The following HIP1 variants were observed in gnomAD, a reference collection of about 807,000 sequenced individuals.
The protein encoded by HIP1 is huntingtin interacting protein 1, also known as huntingtin-interacting protein 1.
A neutral mutation model predicts 147.6 loss-of-function variants in HIP1; 65 were observed. The ratio of observed to expected loss-of-function variants is 0.44; its 90% CI spans 0.36 to 0.54. The LOEUF (loss-of-function observed/expected upper bound fraction) is 0.54, where lower values mean the gene tolerates loss of function less well. Among genes scored for constraint, HIP1 ranks in the 20% least tolerant of loss-of-function variants. The pLI is 0.00. For missense variants in HIP1, 1,061 were observed against 1,299.6 expected (o/e 0.82, Z 2.82); for synonymous variants, 479 against 504.0 (o/e 0.95, Z 0.67).
intron 7 of HIP1, among the ~76,000 whole-genome samples, chr7:75,580,850 TC>T (rs1554498450): frequency 6.6e-6 from 1 of 152,052 alleles, no homozygotes; most frequent in Non-Finnish European, 1.5e-5. Flanking sequence ...CAAGCAATTC[TC>T]CTGCCTCAGC....
chr7:75,585,185 CTT>C (rs71098036), intron 5 of HIP1, among the ~76,000 whole-genome samples: 44,704 of 133,076 alleles, frequency 0.34, 7,231 homozygotes, highest in African/African-American at 0.44. Context: ...CCCAAAACGT[CTT>C]TTTTTTTTTT....
At chr7:75,582,626 A>G (rs1399904226) in intron 5 of HIP1, among the ~76,000 whole-genome samples, 2 of 152,082 alleles carry the variant, frequency 1.3e-5, no homozygotes, top group African/African-American at 2.4e-5. Context: ...GCTGGCCAAC[A>G]TGGCAAAACC....
intron 1 of HIP1, among the ~76,000 whole-genome samples, chr7:75,621,496 T>C (rs1797847145): frequency 6.6e-6 from 1 of 152,178 alleles, no homozygotes; most frequent in African/African-American, 2.4e-5. Context: ...CCCCAAGCGA[T>C]CCTCCTGCCT....
At chr7:75,591,514 G>A (rs1430752227) in intron 4 of HIP1, among the ~76,000 whole-genome samples, 1 of 151,928 alleles carries the variant, frequency 6.6e-6, no homozygotes, top group Non-Finnish European at 1.5e-5. Flanking sequence ...AAAAGCTCTG[G>A]CATTAAGAAT....
At chr7:75,625,929 C>G (rs57925008) in intron 1 of HIP1, 11,506 of 152,042 alleles carry the variant, frequency 0.076, 553 homozygotes, top group African/African-American at 0.13. Context: ...CTTTGGAGAG[C>G]TGCTTGCCCT....
chr7:75,668,652 T>C (rs1168930968), intron 1 of HIP1, among the ~76,000 whole-genome samples: 1 of 152,106 alleles, frequency 6.6e-6, no homozygotes, highest in African/African-American at 2.4e-5. Context: ...CAAGCCATCA[T>C]GCCCTTGGGC....
intron 21 of HIP1, 119 bp from the exon 22 acceptor site, chr7:75,553,708 C>T (rs1563197573): frequency 1.6e-5 from 14 of 886,318 alleles, no homozygotes; most frequent in Non-Finnish European, 2.2e-5. Context: ...TGAGTTCAAG[C>T]GATTCTCCTG....
chr7:75,650,960 G>A (rs2117186887), intron 1 of HIP1, among the ~76,000 whole-genome samples: 1 of 152,272 alleles, frequency 6.6e-6, no homozygotes, highest in East Asian at 1.9e-4. Flanking sequence ...AGAGGGAAGA[G>A]AAAGGAAAAC....
intron 1 of HIP1, among the ~76,000 whole-genome samples, chr7:75,737,821 G>A (rs782288107): frequency 7.3e-4 from 111 of 152,190 alleles, no homozygotes; most frequent in Non-Finnish European, 1.4e-3. Context: ...GATCTTCAAA[G>A]GTTCCACTCT....
intron 1 of HIP1, among the ~76,000 whole-genome samples, chr7:75,628,151 A>G (rs1456374248): frequency 1.3e-5 from 2 of 152,168 alleles, no homozygotes; most frequent in Non-Finnish European, 2.9e-5. Context: ...TCTCATTTAC[A>G]TTTATTGCTA....
chr7:75,561,423 G>A (rs1554494540), intron 12 of HIP1, 22 bp from the exon 13 acceptor site: 2 of 1,544,444 alleles, frequency 1.3e-6, no homozygotes, highest in Non-Finnish European at 1.8e-6. Context: ...AGGGGAATGA[G>A]TTTGCTTTCA....
chr7:75,558,358 A>G (rs1795095880), intron 14 of HIP1, 103 bp from the exon 15 acceptor site: 2 of 896,416 alleles, frequency 2.2e-6, no homozygotes, highest in African/African-American at 1.6e-5. Flanking sequence ...TTTTGTTTTG[A>G]GACAGTCTTG....
At chr7:75,585,994 T>G (rs1172385610) in intron 5 of HIP1, among the ~76,000 whole-genome samples, 2 of 149,658 alleles carry the variant, frequency 1.3e-5, no homozygotes, top group Admixed American at 6.7e-5. Context: ...TTTAAATTTT[T>G]TTGTAGAGAC....
At chr7:75,730,363 G>A (rs1329614563) in intron 1 of HIP1, among the ~76,000 whole-genome samples, 13 of 150,932 alleles carry the variant, frequency 8.6e-5, no homozygotes, top group African/African-American at 3.2e-4. Context: ...TTTTGAGACG[G>A]AGTTTCGCTC....
intron 1 of HIP1, among the ~76,000 whole-genome samples, chr7:75,649,024 A>G (rs1798892787): frequency 6.6e-6 from 1 of 151,606 alleles, no homozygotes; most frequent in African/African-American, 2.4e-5. Context: ...TGTCCAGGCT[A>G]GGAACTTTTT....
intron 1 of HIP1, among the ~76,000 whole-genome samples, chr7:75,667,670 G>C (rs79909248): frequency 0.02 from 3,111 of 152,212 alleles, 56 homozygotes; most frequent in Middle Eastern, 0.099. Flanking sequence ...TTTTGTGAGT[G>C]TGTAGAGACA....
At chr7:75,699,939 C>T (rs776488048) in intron 1 of HIP1, among the ~76,000 whole-genome samples, 2 of 152,140 alleles carry the variant, frequency 1.3e-5, no homozygotes, top group Admixed American at 6.6e-5. Context: ...CAACCTCCAC[C>T]TCCCAGGCTC....
chr7:75,578,257 G>C (rs914833662), intron 7 of HIP1, among the ~76,000 whole-genome samples: 1 of 152,198 alleles, frequency 6.6e-6, no homozygotes, highest in Non-Finnish European at 1.5e-5. Context: ...CCGGCTCCAA[G>C]AAGAGGTGAG....
At chr7:75,686,795 G>C (rs1800275408) in intron 1 of HIP1, among the ~76,000 whole-genome samples, 1 of 151,216 alleles carries the variant, frequency 6.6e-6, no homozygotes, top group Non-Finnish European at 1.5e-5. Context: ...CCAAGTGGCT[G>C]GGACTACAGT....
Sources: gnomAD v4.1 joint callset for allele counts (sites outside exome capture counted in the v4.1 genomes callset) on GRCh38, gnomAD v4.1.1 for gene constraint, MANE v1.5 for transcripts, NCBI Gene and HGNC (gene_info 2026-07-23, HGNC 2026-07-21) for gene names.